The following AP5B1 variants were observed in gnomAD, a reference collection of about 807,000 sequenced individuals.
AP5B1 encodes AP-5 complex subunit beta-1.
AP5B1 carries 3 observed loss-of-function variants against 5.7 expected under a neutral mutation model. The ratio of observed to expected loss-of-function variants is 0.53; its 90% CI spans 0.24 to 1.36. The LOEUF (loss-of-function observed/expected upper bound fraction) is 1.36. AP5B1 is among the 40% of genes most tolerant of loss of function. AP5B1 has a pLI of 0.17. For missense variants in AP5B1, 1,310 were observed against 1,143.2 expected, an observed-to-expected ratio of 1.15 and a Z score of -2.10; for synonymous variants, 696 against 555.5, an observed-to-expected ratio of 1.25 and a Z score of -3.56.
rs569543500 is a variant in AP5B1, at chr11:65,778,192, A to G, written c.2301T>C (p.Phe767=). The G allele has an allele frequency of 2.5e-6, 4 of 1,613,250 alleles. No individual in the cohort carries two copies. The highest frequency in any genetic ancestry group is 1.3e-5 in the African/African-American group (1 of 75,066). The change falls in exon 2 of 2, where the codon TTT becomes TTC. Residue 767 remains phenylalanine, a synonymous_variant. Transcript: ENST00000532090. ...CCTCTGGAGGCTGCGGGAAAGGCAG[A>G]AAGAGGTCGGCAAAGTTCACGAACA... ...PPLFVNFADL[F]LPFPQPPEGA... is the part of the protein sequence containing the mutation.
At position 65,780,007 on chromosome 11, in the gene AP5B1, G is replaced by A; in HGVS notation, c.486C>T (p.Pro162=). The change falls in exon 2 of 2, where the codon CCC becomes CCT. Residue 162 remains proline, a synonymous_variant. Transcript: ENST00000532090. ...ECLRELESCK[P]GLLGGSLGLL... is the part of the protein sequence containing the mutation. ...ACCCCAGGGAGCCCCCCAGCAGCCC[G>A]GGCTTGCAGCTCTCTAGCTCTCGCA... is the stretch of plus-strand genomic sequence containing the variant. The A allele has an allele frequency of 1.3e-6, 2 of 1,563,910 alleles. No individual in the cohort carries two copies. The highest frequency in any genetic ancestry group is 1.7e-6 in the Non-Finnish European group (2 of 1,154,662).
At position 65,777,997 on chromosome 11, in the gene AP5B1, G is replaced by A. The variant is rs879942298; in HGVS notation, c.2496C>T (p.Ile832=). The change falls in exon 2 of 2, where the codon ATC becomes ATT. Residue 832 remains isoleucine (I), a synonymous_variant. Transcript: ENST00000532090. ...AQPPTSYCVA[I]HLPPDSKLLL... ...GCAGCTTTGAGTCCGGGGGCAGGTGGATTGCTACACAGTAGCTGGTAGGAG... is the reference window on the plus strand; with the variant it reads ...GCAGCTTTGAGTCCGGGGGCAGGTGAATTGCTACACAGTAGCTGGTAGGAG... 1 of 1,611,776 alleles carries A rather than the reference G, an allele frequency of 6.2e-7. No individual in the cohort carries two copies. Among genetic ancestry groups the A allele is most frequent in the Admixed American group, 1.7e-5 (1 of 59,774 alleles).
Position 65,777,838 on chromosome 11 carries a change from C to T in AP5B1, c.*18G>A, listed in dbSNP as rs567095164. ...CCCACAAGGGCCACAGTCCTGCCCC[C>T]ACCTGGTCTCCCGGGGCTCAGACAG... On this transcript the variant is annotated 3_prime_UTR_variant, in exon 2 of 2. Transcript: ENST00000532090. 5 of 1,504,174 alleles carry T rather than the reference C, an allele frequency of 3.3e-6. No individual in the cohort carries two copies. The highest frequency in any genetic ancestry group is 1.9e-4 in the Middle Eastern group (1 of 5,194). The allele number at this position is 1,504,174 out of a possible 1,614,324, so 93.2% of individuals were successfully genotyped here.
chr11:65,778,493 C>T lies in AP5B1; in HGVS notation c.2000G>A (p.Ser667Asn). ...VQEAPALVRLSLGSHRVKGPL... is the reference protein window; with the variant it reads ...VQEAPALVRLNLGSHRVKGPL... ...GCCCTTGACCCGATGGGACCCCAGGCTCAGCCGTACCAGGGCCGGTGCCTC... is the reference window on the plus strand; with the variant it reads ...GCCCTTGACCCGATGGGACCCCAGGTTCAGCCGTACCAGGGCCGGTGCCTC... The change falls in exon 2 of 2, where the codon AGC (serine) becomes AAC (asparagine). Residue 667 changes from serine to asparagine, a missense_variant. Coordinates refer to ENST00000532090, the MANE Select transcript of AP5B1 (RefSeq NM_138368.5). 1 of 1,572,938 alleles carries T rather than the reference C, an allele frequency of 6.4e-7. No homozygotes were observed. Among genetic ancestry groups the T allele is most frequent in the Non-Finnish European group, 8.6e-7 (1 of 1,164,212 alleles).
In AP5B1 at chr11:65,780,189, T is replaced by C. The variant is rs1004067823; in HGVS notation, c.304A>G (p.Thr102Ala). The change falls in exon 2 of 2, where the codon ACT becomes GCT. Residue 102 changes from threonine (T) to alanine (A), a missense_variant. Coordinates refer to ENST00000532090, the MANE Select transcript of AP5B1 (RefSeq NM_138368.5). Reference protein sequence around the residue: ...LRRPLLLAATTALAAGGALGP... With the variant: ...LRRPLLLAATAALAAGGALGP... The stretch of plus-strand genomic sequence containing the variant: ...AGCGCGCCGCCCGCCGCCAGGGCAG[T>C]GGTGGCCGCCAGCAGCAGTGGCCGA... 119 of 1,497,852 alleles carry C rather than the reference T, an allele frequency of 7.9e-5. No homozygotes were observed. Among genetic ancestry groups the C allele is most frequent in the Non-Finnish European group, 1.0e-4 (113 of 1,126,474 alleles). The allele number at this position is 1,497,852 out of a possible 1,614,324, so 92.8% of individuals were successfully genotyped here.
In AP5B1 at chr11:65,780,009, G is replaced by A. The variant is rs776862688; in HGVS notation, c.484C>T (p.Pro162Ser). 1 of 1,563,294 alleles carries A rather than the reference G, an allele frequency of 6.4e-7. No homozygotes were observed. Among genetic ancestry groups the A allele is most frequent in the Non-Finnish European group, 8.7e-7 (1 of 1,154,304 alleles). The change falls in exon 2 of 2, where the codon CCC becomes TCC. Residue 162 changes from proline to serine, a missense_variant. Pro to Ser is a moderately conservative substitution (Grantham distance 74). Coordinates refer to ENST00000532090, the MANE Select transcript of AP5B1 (RefSeq NM_138368.5). ...ECLRELESCK[P>S]GLLGGSLGLL... ...CCCAGGGAGCCCCCCAGCAGCCCGGGCTTGCAGCTCTCTAGCTCTCGCAGG... is the reference window on the plus strand; with the variant it reads ...CCCAGGGAGCCCCCCAGCAGCCCGGACTTGCAGCTCTCTAGCTCTCGCAGG...
chr11:65,779,797 A>T lies in AP5B1; in HGVS notation c.696T>A (p.Asp232Glu). 6.3e-7 allele frequency: 1 copy of T among 1,584,108 alleles called. No homozygotes were observed. ...PWDWTLVEEG[D>E]GRLQPQAPSW... is the part of the protein sequence containing the mutation. ...TGGGTGCCTGGGGCTGAAGGCGTCC[A>T]TCGCCCTCCTCCACTAGTGTCCAAT... The change falls in exon 2 of 2, where the codon GAT becomes GAA. Residue 232 changes from aspartate (D) to glutamate (E), a missense_variant. Physicochemically the swap from Asp to Glu is conservative, Grantham distance 45 (BLOSUM62 2). Transcript: ENST00000532090.
chr11:65,780,703 GC>G lies in AP5B1; in HGVS notation c.-113del. On this transcript the variant is annotated 5_prime_UTR_variant, in exon 1 of 2. Coordinates refer to ENST00000532090, the MANE Select transcript of AP5B1 (RefSeq NM_138368.5). ...GGCTGCGGTCACCCCCAGACGCCGC[GC>G]AGATGCCGGCGGGACCCGCGCCCGG... The G allele has an allele frequency of 8.7e-7, 1 of 1,146,218 alleles. No homozygotes were observed. The highest frequency in any genetic ancestry group is 1.1e-6 in the Non-Finnish European group (1 of 903,240). 71.0% of individuals were successfully genotyped at this position (1,146,218 alleles called of 1,614,324 possible).
In AP5B1 at chr11:65,774,911, C is replaced by T. The variant is rs61744381; in HGVS notation, c.*2945G>A. Among the ~76,000 whole-genome samples, 344 of 152,254 alleles carry T rather than the reference C, an allele frequency of 2.3e-3. 1 individual carries two copies. Among genetic ancestry groups the T allele is most frequent in the African/African-American group, 7.7e-3 (321 of 41,540 alleles). On this transcript the variant is annotated 3_prime_UTR_variant, in exon 2 of 2. Transcript: ENST00000532090. The stretch of plus-strand genomic sequence containing the variant: ...GGCATGCTGCTATTGCCATGATCTT[C>T]GGGAAGCTGAAGTGATGAGCAGCAG...
chr11:65,777,622 T>C lies in AP5B1; in HGVS notation c.*234A>G, dbSNP rs1419784438. On this transcript the variant is annotated 3_prime_UTR_variant, in exon 2 of 2. Transcript: ENST00000532090. ...ATGGACTTCCCAGCCTCCAGAGCTC[T>C]GAGCCAATACATTTCTGTTTATTAT... The C allele has an allele frequency of 1.9e-6, 1 of 537,476 alleles. No individual in the cohort carries two copies. Among genetic ancestry groups the C allele is most frequent in the East Asian group, 3.1e-5 (1 of 31,898 alleles). The allele number at this position is 537,476 out of a possible 1,614,324, so 33.3% of individuals were successfully genotyped here. A position where few individuals can be genotyped will look rare whatever the true frequency, so the allele number is the denominator to read the frequency against.
In AP5B1 at chr11:65,778,232, G is replaced by A. The variant is rs370617040; in HGVS notation, c.2261C>T (p.Ala754Val). 29 of 1,613,324 alleles carry A rather than the reference G, an allele frequency of 1.8e-5. No individual in the cohort carries two copies. Among genetic ancestry groups the A allele is most frequent in the Middle Eastern group, 1.6e-4 (1 of 6,084 alleles). Residue 754 changes from alanine to valine, a missense_variant, in exon 2 of 2, where the codon GCC (alanine) becomes GTC (valine). Physicochemically the swap from Ala to Val is moderately conservative, Grantham distance 64. Transcript: ENST00000532090. ...GTTCACGAACAGGGGTGGCAAGTGG[G>A]CATGGCACGTGAGACCAGTGGATGT... ...YTTSTGLTCH[A>V]HLPPLFVNFA...
Position 65,778,863 on chromosome 11 carries a change from G to A in AP5B1, c.1630C>T (p.Leu544=), listed in dbSNP as rs761544530. Reference sequence around the variant, plus strand: ...GCATCTCCATCTGCCACCTTTGCCAGCATTTGCAGGTGCCAGCAAAGAGCT... The same window carrying A: ...GCATCTCCATCTGCCACCTTTGCCAACATTTGCAGGTGCCAGCAAAGAGCT... The part of the protein sequence containing the change: ...DEALCWHLQM[L]AKVADGDAQS... The change falls in exon 2 of 2, where the codon CTG becomes TTG. Residue 544 remains leucine, a synonymous_variant. Transcript: ENST00000532090. The A allele has an allele frequency of 1.2e-6, 2 of 1,609,262 alleles. No individual in the cohort carries two copies. Among genetic ancestry groups the A allele is most frequent in the South Asian group, 2.2e-5 (2 of 90,554 alleles).
chr11:65,778,073 A>G lies in AP5B1; in HGVS notation c.2420T>C (p.Leu807Pro), dbSNP rs1305625449. The change falls in exon 2 of 2, where the codon CTG becomes CCG. Residue 807 changes from leucine (L) to proline (P), a missense_variant. Physicochemically the swap from Leu to Pro is moderately conservative, Grantham distance 98. Coordinates refer to ENST00000532090, the MANE Select transcript of AP5B1 (RefSeq NM_138368.5). ...CAGGTGGCGGGACACCAAGCCCTCC[A>G]GGCCCTGTGGCCCAAGTGGACACCA... Reference protein sequence around the residue: ...RVWCPLGPQGLEGLVSRHLEP... With the variant: ...RVWCPLGPQGPEGLVSRHLEP... 5 of 1,612,686 alleles carry G rather than the reference A, an allele frequency of 3.1e-6. No individual in the cohort carries two copies. Among genetic ancestry groups the G allele is most frequent in the Admixed American group, 1.7e-5 (1 of 60,004 alleles).
In AP5B1 at chr11:65,778,718, A is replaced by T; in HGVS notation, c.1775T>A (p.Leu592Gln). Residue 592 changes from leucine to glutamine, a missense_variant, in exon 2 of 2, where the codon CTG (leucine) becomes CAG (glutamine). Transcript: ENST00000532090. ...ALLRAGVRGG[L>Q]VDLLQVLARQ... ...GGCCAGCACCTGCAGCAAGTCGACC[A>T]GGCCGCCCCTCACCCCTGCCCGCAG... is the stretch of plus-strand genomic sequence containing the variant. The T allele has an allele frequency of 6.3e-7, 1 of 1,590,094 alleles. No individual in the cohort carries two copies. The highest frequency in any genetic ancestry group is 1.1e-5 in the South Asian group (1 of 88,520).
rs1439133389 is a variant in AP5B1, at chr11:65,778,297, G to A, written c.2196C>T (p.Cys732=). 1 of 1,612,900 alleles carries A rather than the reference G, an allele frequency of 6.2e-7. No individual in the cohort carries two copies. Among genetic ancestry groups the A allele is most frequent in the African/African-American group, 1.3e-5 (1 of 74,944 alleles). The part of the protein sequence containing the change: ...RPLLLPLQPR[C]PAPARLDVHA... ...GGACATCCAGCCGTGCGGGGGCCGG[G>A]CATCGGGGCTGCAGAGGCAGGAGCA... Residue 732 remains cysteine, a synonymous_variant, in exon 2 of 2, where the codon TGC becomes TGT. Coordinates refer to ENST00000532090, the MANE Select transcript of AP5B1 (RefSeq NM_138368.5).
rs1857834306 is a variant in AP5B1 at position 65,780,307 on chromosome 11, C to A, written c.186G>T (p.Ala62=). ...CCGCAGAGGCGTCGGGCCACAGCTG[C>A]GCAGGGTACTCCATGCTCAGGGCCA... The part of the protein sequence containing the change: ...SLLALSMEYP[A]QLWPDASAAE... Residue 62 remains alanine (A), a synonymous_variant, in exon 2 of 2, where the codon GCG becomes GCT. Transcript: ENST00000532090. The A allele has an allele frequency of 6.7e-7, 1 of 1,494,980 alleles. No homozygotes were observed. Among genetic ancestry groups the A allele is most frequent in the South Asian group, 1.4e-5 (1 of 73,326 alleles). The allele number at this position is 1,494,980 out of a possible 1,614,324, so 92.6% of individuals were successfully genotyped here. A position where few individuals can be genotyped will look rare whatever the true frequency, so the allele number is the denominator to read the frequency against.
Position 65,775,595 on chromosome 11 carries a change from C to G in AP5B1, c.*2261G>C, listed in dbSNP as rs1278601667. Among the ~76,000 whole-genome samples the G allele has an allele frequency of 6.6e-6, 1 of 152,176 alleles. No individual in the cohort carries two copies. Among genetic ancestry groups the G allele is most frequent in the Non-Finnish European group, 1.5e-5 (1 of 68,036 alleles). On this transcript the variant is annotated 3_prime_UTR_variant, in exon 2 of 2. Coordinates refer to ENST00000532090, the MANE Select transcript of AP5B1 (RefSeq NM_138368.5). ...CCCACCCCATGTCCCAGGGCCCAAG[C>G]CCAGCTTCCTGGGTGCTTACAGGGG...
In AP5B1 at chr11:65,776,840, T is replaced by G. The variant is rs950986311; in HGVS notation, c.*1016A>C. On this transcript the variant is annotated 3_prime_UTR_variant, in exon 2 of 2. Transcript: ENST00000532090. The stretch of plus-strand genomic sequence containing the variant: ...GCAAACCTTGGGAGTTGAGAAGCGC[T>G]GGCTCGGCCAGGTGTGGGGGCTCAC... 16 of 152,168 alleles carry G rather than the reference T, an allele frequency of 1.1e-4. No homozygotes were observed. Among genetic ancestry groups the G allele is most frequent in the African/African-American group, 3.9e-4 (16 of 41,430 alleles). 9.4% of individuals were successfully genotyped at this position (152,168 alleles called of 1,614,324 possible). A position where few individuals can be genotyped will look rare whatever the true frequency, so the allele number is the denominator to read the frequency against.
At position 65,780,098 on chromosome 11, in the gene AP5B1, T is replaced by A. The variant is rs989443673; in HGVS notation, c.395A>T (p.Asp132Val). The change falls in exon 2 of 2, where the codon GAT (aspartate) becomes GTT (valine). Residue 132 changes from aspartate to valine, a missense_variant. Transcript: ENST00000532090. Reference protein sequence around the residue: ...PLLLGLAAGSDLGRGFVPASE... With the variant: ...PLLLGLAAGSVLGRGFVPASE... The stretch of plus-strand genomic sequence containing the variant: ...GGCGGGGACAAAGCCTCGCCCCAGA[T>A]CGCTACCCGCGGCCAGGCCGAGCAG... 1 of 1,521,956 alleles carries A rather than the reference T, an allele frequency of 6.6e-7. No homozygotes were observed. The highest frequency in any genetic ancestry group is 8.8e-7 in the Non-Finnish European group (1 of 1,134,024). The allele number at this position is 1,521,956 out of a possible 1,614,324, so 94.3% of individuals were successfully genotyped here. A position where few individuals can be genotyped will look rare whatever the true frequency, so the allele number is the denominator to read the frequency against.
Sources: gnomAD v4.1 joint callset for allele counts (sites outside exome capture counted in the v4.1 genomes callset) on GRCh38, gnomAD v4.1.1 for gene constraint, MANE v1.5 for transcripts, NCBI Gene and HGNC (gene_info 2026-07-23, HGNC 2026-07-21) for gene names.